VWA3B: variants seen among roughly 807,000 people sequenced by gnomAD.
The protein encoded by VWA3B is von Willebrand factor A domain-containing protein 3B.
In VWA3B, 138 loss-of-function variants were observed where a neutral mutation model predicts 158.3. The ratio of observed to expected loss-of-function variants is 0.87; its 90% CI spans 0.76 to 1.00. The LOEUF (loss-of-function observed/expected upper bound fraction) is 1.00, where lower values mean the gene tolerates loss of function less well. VWA3B is among the 50% of genes least tolerant of loss of function. The pLI, the probability that VWA3B is intolerant of heterozygous loss-of-function variation, is 0.00. For missense variants in VWA3B, 1,555 were observed against 1,565.1 expected, an observed-to-expected ratio of 0.99 and a Z score of 0.11; for synonymous variants, 596 against 587.3, an observed-to-expected ratio of 1.01 and a Z score of -0.21.
In VWA3B at chr2:98,273,008, TG is replaced by T. The variant is rs1688301456; in HGVS notation, c.3045+2126del. 2.0e-5 allele frequency among the ~76,000 whole-genome samples: 3 copies of T among 152,324 alleles called. No individual in the cohort carries two copies. The South Asian group carries it at 6.2e-4, about 32-fold the overall frequency. The stretch of plus-strand genomic sequence containing the variant: ...TTGGACCTCCCAGCTTCTAGAACAG[TG>T]AGCCAGTAAGTTTCTGTCTATTATA... On this transcript the variant is annotated intron_variant, in intron 22 of 27. Transcript: ENST00000477737.
At chr2:98,206,788 C>A in intron 12 of VWA3B, 1 of 365,776 alleles carries the variant, frequency 2.7e-6, no homozygotes, top group Non-Finnish European at 5.3e-6. Context: ...CAAGATTGTA[C>A]CCATCATGGA....
At chr2:98,177,654 C>T (rs893525705) in intron 8 of VWA3B, among the ~76,000 whole-genome samples, 4 of 151,458 alleles carry the variant, frequency 2.6e-5, no homozygotes, top group African/African-American at 7.3e-5. Context: ...TATGAAAGTT[C>T]AGGTGGCTCT....
At chr2:98,221,831 C>G (rs1042205286) in intron 14 of VWA3B, among the ~76,000 whole-genome samples, 1 of 152,168 alleles carries the variant, frequency 6.6e-6, no homozygotes, top group African/African-American at 2.4e-5. Context: ...CACAACCTAA[C>G]CAGGCAGTGT....
rs1681485406 is a variant in VWA3B at position 98,190,479 on chromosome 2, A to G, written c.1466+2350A>G. 2.0e-5 allele frequency among the ~76,000 whole-genome samples: 3 copies of G among 152,192 alleles called. No individual in the cohort carries two copies. In the South Asian group the frequency reaches 6.2e-4, roughly 31 times the overall value. On this transcript the variant is annotated intron_variant, in intron 10 of 27. Transcript: ENST00000477737. ...TGTTGCTTTTTATTCCTTTGTATGC[A>G]TCCACATTTCCATTTGGTATCATTT... is the stretch of plus-strand genomic sequence containing the variant.
In VWA3B at chr2:98,234,748, G is replaced by C; in HGVS notation, c.2409G>C (p.Arg803Ser). The change falls in exon 17 of 28, where the codon AGG becomes AGC. Residue 803 changes from arginine (R) to serine (S), a missense_variant. By Grantham distance (110) the Arg-to-Ser change is moderately radical. Coordinates refer to ENST00000477737, the MANE Select transcript of VWA3B (RefSeq NM_144992.5). ...KDGLSNASSR[R>S]TALSDKEMSI... ...GCCTCTCCAATGCCAGCAGCCGGAGGACTGCTCTAAGTGACAAAGGCAAGC... is the reference window on the plus strand; with the variant it reads ...GCCTCTCCAATGCCAGCAGCCGGAGCACTGCTCTAAGTGACAAAGGCAAGC... 6.2e-7 allele frequency: 1 copy of C among 1,614,170 alleles called. No individual in the cohort carries two copies. The highest frequency in any genetic ancestry group is 8.5e-7 in the Non-Finnish European group (1 of 1,180,024).
chr2:98,135,989 G>A (rs1379041419), intron 7 of VWA3B, among the ~76,000 whole-genome samples: 1 of 152,156 alleles, frequency 6.6e-6, no homozygotes, highest in Non-Finnish European at 1.5e-5. Flanking sequence ...TGGTGGGGGA[G>A]TGACTTCTTA....
At chr2:98,271,664 G>A (rs1010985382) in intron 22 of VWA3B, among the ~76,000 whole-genome samples, 2 of 152,144 alleles carry the variant, frequency 1.3e-5, no homozygotes, top group Admixed American at 6.5e-5. Flanking sequence ...AACATTTATA[G>A]TTATTTTCCA....
At chr2:98,249,959 T>C (rs1686689574) in intron 19 of VWA3B, among the ~76,000 whole-genome samples, 1 of 152,142 alleles carries the variant, frequency 6.6e-6, no homozygotes, top group South Asian at 2.1e-4. Context: ...AACAATGAGA[T>C]CTATTTCTTA....
intron 21 of VWA3B, among the ~76,000 whole-genome samples, chr2:98,267,811 A>G (rs1687940111): frequency 6.6e-6 from 1 of 152,162 alleles, no homozygotes. Flanking sequence ...ATAAAGAAAA[A>G]AAGAGAGAAG....
At chr2:98,224,268 GAAA>G (rs538025253) in intron 14 of VWA3B, among the ~76,000 whole-genome samples, 502 of 152,138 alleles carry the variant, frequency 3.3e-3, no homozygotes, top group Non-Finnish European at 5.6e-3. Flanking sequence ...GCACCAGAAA[GAAA>G]AGAAGAAAGA....
At chr2:98,176,704 A>C (rs1023854624) in intron 8 of VWA3B, among the ~76,000 whole-genome samples, 2 of 152,204 alleles carry the variant, frequency 1.3e-5, no homozygotes, top group African/African-American at 4.8e-5. Context: ...GGGGCTAAAT[A>C]GCTTTGGGAA....
Position 98,312,468 on chromosome 2 carries a change from G to T in VWA3B, c.*119G>T. ...TAAGGCCGCCCTCCGCGCCGCCTATGCCTGCCCTGTCTGTAGCAAAGACTC... is the reference window on the plus strand; with the variant it reads ...TAAGGCCGCCCTCCGCGCCGCCTATTCCTGCCCTGTCTGTAGCAAAGACTC... On this transcript the variant is annotated 3_prime_UTR_variant, in exon 28 of 28. Transcript: ENST00000477737. 8.0e-7 allele frequency: 1 copy of T among 1,251,716 alleles called. No individual in the cohort carries two copies. Among genetic ancestry groups the T allele is most frequent in the Middle Eastern group, 2.6e-4 (1 of 3,876 alleles). The allele number at this position is 1,251,716 out of a possible 1,614,324, so 77.5% of individuals were successfully genotyped here.
At chr2:98,179,554 T>C (rs182199287) in intron 8 of VWA3B, among the ~76,000 whole-genome samples, 28 of 152,302 alleles carry the variant, frequency 1.8e-4, no homozygotes, top group African/African-American at 6.5e-4. Flanking sequence ...GGCAGCCTCC[T>C]AGCCTTCGCG....
intron 7 of VWA3B, among the ~76,000 whole-genome samples, chr2:98,144,707 C>G (rs577314697): frequency 1.1e-3 from 169 of 152,192 alleles, no homozygotes; most frequent in Non-Finnish European, 1.7e-3. Flanking sequence ...GCTGGGCTTA[C>G]AGGTGGCTGC....
chr2:98,273,043 A>G (rs1688302645), intron 22 of VWA3B, among the ~76,000 whole-genome samples: 1 of 152,190 alleles, frequency 6.6e-6, no homozygotes, highest in Non-Finnish European at 1.5e-5. Flanking sequence ...TAAATTACCC[A>G]GTTGGTGGTA....
chr2:98,223,743 T>C (rs1320114380), intron 14 of VWA3B, among the ~76,000 whole-genome samples: 1 of 152,146 alleles, frequency 6.6e-6, no homozygotes, highest in Non-Finnish European at 1.5e-5. Context: ...TTTATTTTAG[T>C]TTTAGAGACA....
intron 7 of VWA3B, among the ~76,000 whole-genome samples, chr2:98,160,889 A>G (rs903512349): frequency 6.6e-6 from 1 of 152,222 alleles, no homozygotes; most frequent in Non-Finnish European, 1.5e-5. Flanking sequence ...GAACATAGCT[A>G]TTAATACTCT....
In VWA3B at chr2:98,153,393, A is replaced by T. The variant is rs999479393; in HGVS notation, c.989-9458A>T. On this transcript the variant is annotated intron_variant, in intron 7 of 27. Coordinates refer to ENST00000477737, the MANE Select transcript of VWA3B (RefSeq NM_144992.5). Reference sequence around the variant, plus strand: ...GTCCAAAAATATTGTAGCTGTAAAAATGTGGGTGATTCTACCTTCAGAAAC... The same window carrying T: ...GTCCAAAAATATTGTAGCTGTAAAATTGTGGGTGATTCTACCTTCAGAAAC... Among the ~76,000 whole-genome samples, 4 of 152,336 alleles carry T rather than the reference A, an allele frequency of 2.6e-5. No individual in the cohort carries two copies. In the East Asian group the frequency reaches 7.7e-4, roughly 29 times the overall value.
At chr2:98,155,200 T>A (rs1677960807) in intron 7 of VWA3B, among the ~76,000 whole-genome samples, 1 of 152,194 alleles carries the variant, frequency 6.6e-6, no homozygotes, top group Non-Finnish European at 1.5e-5. Context: ...CTCACTGGAA[T>A]GTCACTGGAG....
Sources: allele counts gnomAD v4.1 joint callset (sites outside exome capture counted in the v4.1 genomes callset), GRCh38; gene constraint gnomAD v4.1.1; transcripts MANE v1.5; gene names NCBI Gene and HGNC (gene_info 2026-07-23, HGNC 2026-07-21).